The following PRKAR1A variants were observed in gnomAD, a reference collection of about 807,000 sequenced individuals.
The protein encoded by PRKAR1A is cAMP-dependent protein kinase type I-alpha regulatory subunit.
A neutral mutation model predicts 52.0 loss-of-function variants in PRKAR1A; 3 were observed. The ratio of observed to expected loss-of-function variants is 0.06; its 90% confidence interval spans 0.03 to 0.15. PRKAR1A has a LOEUF of 0.15. Among genes scored for constraint, PRKAR1A ranks in the 10% least tolerant of loss-of-function variants. The pLI is 1.00. For missense variants in PRKAR1A, 240 were observed against 477.4 expected (o/e 0.50, Z 4.63); for synonymous variants, 188 against 168.4 (o/e 1.12, Z -0.90).
chr17:68,527,317 C>T (rs1383030807), intron 7 of PRKAR1A, among the ~76,000 whole-genome samples: 2 of 151,906 alleles, frequency 1.3e-5, no homozygotes, highest in African/African-American at 2.4e-5. Flanking sequence ...GGTGAGAAGC[C>T]AGAACTAATG....
chr17:68,498,269 A>G, the PRKAR1A span, among the ~76,000 whole-genome samples: 1 of 152,194 alleles, frequency 6.6e-6, no homozygotes, highest in Non-Finnish European at 1.5e-5. Context: ...TAACTTGAGC[A>G]AGAGCAAGGA....
the PRKAR1A span, among the ~76,000 whole-genome samples, chr17:68,498,695 G>A: frequency 1.3e-5 from 2 of 152,200 alleles, no homozygotes. Context: ...ATTGGCCCTA[G>A]TTCCATCCCA....
Position 68,523,887 on chromosome 17 carries a change from T to C in PRKAR1A, c.440+71T>C, listed in dbSNP as rs183882759. The C allele has an allele frequency of 4.3e-4, 683 of 1,582,830 alleles. 4 individuals are homozygous for C. The Middle Eastern group carries it at 6.9e-3, about 16-fold the overall frequency. On this transcript the variant is annotated intron_variant, in intron 4 of 10. Transcript: ENST00000589228. ...GATCCCAAATTGTTTTCAACACTTG[T>C]TGCAAGTTTTAGAGCTCTTAGTAAT...
intron 1 of PRKAR1A, chr17:68,514,964 T>G: frequency 3.8e-6 from 1 of 262,536 alleles, no homozygotes; most frequent in Non-Finnish European, 7.5e-6. Context: ...TTCTTCATTG[T>G]GCTGACTTGC....
At chr17:68,527,215 A>G (rs1296140956) in intron 7 of PRKAR1A, among the ~76,000 whole-genome samples, 1 of 152,242 alleles carries the variant, frequency 6.6e-6, no homozygotes, top group African/African-American at 2.4e-5. Flanking sequence ...GACAGGAATT[A>G]GGAACTGTAG....
At chr17:68,491,711 G>A in the PRKAR1A span, among the ~76,000 whole-genome samples, 2 of 152,070 alleles carry the variant, frequency 1.3e-5, no homozygotes, top group Non-Finnish European at 1.5e-5. Context: ...GCAACCTCTG[G>A]AGGACTTGGG....
chr17:68,520,694 A>C (rs2085577964), intron 2 of PRKAR1A, among the ~76,000 whole-genome samples: 1 of 152,218 alleles, frequency 6.6e-6, no homozygotes, highest in Non-Finnish European at 1.5e-5. Flanking sequence ...CTGAGTTGTC[A>C]GATTAGGTTA....
At chr17:68,429,984 C>G in the PRKAR1A span, 11 of 1,613,806 alleles carry the variant, frequency 6.8e-6, no homozygotes, top group Non-Finnish European at 8.5e-6. Context: ...GAGTGGGTGT[C>G]ATTGTACGTA....
Position 68,538,625 on chromosome 17 carries a change from C to T in PRKAR1A, c.973+8624C>T, listed in dbSNP as rs555635713. Among the ~76,000 whole-genome samples, 9 of 152,298 alleles carry T rather than the reference C, an allele frequency of 5.9e-5. 1 individual carries two copies. The South Asian group carries it at 1.9e-3, about 32-fold the overall frequency. ...CCTTCTTCCAGTCTGCACAGGTTTA[C>T]AGGACTTTAATCAGGGTTTTGCTTA... is the stretch of plus-strand genomic sequence containing the variant. On this transcript the variant is annotated intron_variant, in intron 11 of 11. Transcript: ENST00000585981.
downstream of PRKAR1A, chr17:68,536,979 T>C (rs1421972453): frequency 2.2e-6 from 1 of 454,508 alleles, no homozygotes; most frequent in Admixed American, 2.3e-5. Flanking sequence ...GTGTGAGGTC[T>C]AATTTGAACC....
At chr17:68,429,853 T>C in the PRKAR1A span, 24 of 1,190,166 alleles carry the variant, frequency 2.0e-5, no homozygotes, top group East Asian at 5.1e-4. Flanking sequence ...CCTCCCAAGG[T>C]TCCGGGATTA....
the PRKAR1A span, among the ~76,000 whole-genome samples, chr17:68,417,804 G>C: frequency 3.9e-5 from 5 of 128,424 alleles, no homozygotes; most frequent in Admixed American, 4.8e-4. Context: ...CTGGAGTGCA[G>C]TGGCACGATC....
chr17:68,428,512 T>G, the PRKAR1A span: 1 of 232,126 alleles, frequency 4.3e-6, no homozygotes, highest in South Asian at 6.1e-5. Flanking sequence ...GGATTACAGG[T>G]GTGAGCCGCC....
At chr17:68,433,385 AAAG>A in the PRKAR1A span, 6 of 1,259,822 alleles carry the variant, frequency 4.8e-6, no homozygotes, top group Non-Finnish European at 6.9e-6. Context: ...TTCAGAAAGA[AAAG>A]AGATCATTCA....
chr17:68,421,808 G>A, the PRKAR1A span: 19 of 1,613,984 alleles, frequency 1.2e-5, no homozygotes, highest in South Asian at 2.2e-5. Flanking sequence ...TGATTTCCAC[G>A]GCACAAGATT....
the PRKAR1A span, among the ~76,000 whole-genome samples, chr17:68,496,290 C>G: frequency 1.3e-5 from 2 of 151,522 alleles, no homozygotes; most frequent in Non-Finnish European, 2.9e-5. Context: ...GATCCACCTC[C>G]CTTGGCCTCC....
the PRKAR1A span, chr17:68,453,096 C>T: frequency 1.2e-6 from 1 of 823,132 alleles, no homozygotes. Context: ...GTACAGTAAA[C>T]AAGCATCTGC....
the PRKAR1A span, among the ~76,000 whole-genome samples, chr17:68,449,872 G>A: frequency 3.1e-4 from 47 of 152,326 alleles, 1 homozygote; most frequent in Middle Eastern, 3.4e-3. Flanking sequence ...TTAGCTGGGC[G>A]TGGTGGTGCC....
chr17:68,492,395 G>T, the PRKAR1A span, among the ~76,000 whole-genome samples: 2 of 152,100 alleles, frequency 1.3e-5, no homozygotes, highest in Non-Finnish European at 2.9e-5. Flanking sequence ...AGACCCCAAG[G>T]TTCTTCCCAC....
Sources: allele counts gnomAD v4.1 joint callset (sites outside exome capture counted in the v4.1 genomes callset), GRCh38; gene constraint gnomAD v4.1.1; transcripts MANE v1.5; gene names NCBI Gene and HGNC (gene_info 2026-07-23, HGNC 2026-07-21).